Variants in SUGCT observed in about 807,000 individuals in gnomAD.
The protein encoded by SUGCT is succinyl-CoA:glutarate CoA-transferase.
SUGCT carries 41 observed loss-of-function variants against 55.0 expected under a neutral mutation model. The observed-to-expected ratio is 0.74, with a 90% CI of 0.58 to 0.97. The LOEUF (loss-of-function observed/expected upper bound fraction) is 0.97, where lower values mean the gene tolerates loss of function less well. Among genes scored for constraint, SUGCT ranks in the 50% least tolerant of loss-of-function variants. The pLI is 0.00. For synonymous variants in SUGCT, 187 were observed against 200.4 expected, an observed-to-expected ratio of 0.93 and a Z score of 0.56; for missense variants, 568 against 547.8, an observed-to-expected ratio of 1.04 and a Z score of -0.37.
At chr7:40,309,440 A>T (rs1421132012) in intron 8 of SUGCT, among the ~76,000 whole-genome samples, 1 of 151,996 alleles carries the variant, frequency 6.6e-6, no homozygotes, top group Admixed American at 6.6e-5. Context: ...GATTATAGGC[A>T]CTCACCACCA....
rs1224826122 is a variant in SUGCT, at chr7:40,272,095, C to CTA, written c.577-2402_577-2401dup. The stretch of plus-strand genomic sequence containing the variant: ...TCTCTCTCTCTCTCTCTCTCTCTCT[C>CTA]TATATATATATATATATGGATGTTT... On this transcript the variant is annotated intron_variant, in intron 7 of 13. Coordinates refer to ENST00000335693, the MANE Select transcript of SUGCT (RefSeq NM_001193313.2). Among the ~76,000 whole-genome samples, 656 of 85,396 alleles carry CTA rather than the reference C, an allele frequency of 7.7e-3. 24 individuals carry two copies. Among genetic ancestry groups the CTA allele is most frequent in the Middle Eastern group, 0.03 (5 of 168 alleles). The allele number at this position is 85,396 out of a possible 152,430, so 56.0% of individuals were successfully genotyped here.
In SUGCT at chr7:40,179,529, C is replaced by T. The variant is rs539535071; in HGVS notation, c.101-1418C>T. On this transcript the variant is annotated intron_variant, in intron 1 of 13. Transcript: ENST00000335693. Reference sequence around the variant, plus strand: ...AACTCCTGACCTCAGGTGATCTGCCCGCCTCGGCCTCCCAAAGTGCTGGGA... The same window carrying T: ...AACTCCTGACCTCAGGTGATCTGCCTGCCTCGGCCTCCCAAAGTGCTGGGA... 7.9e-5 allele frequency among the ~76,000 whole-genome samples: 12 copies of T among 152,096 alleles called. No homozygotes were observed. The South Asian group carries it at 1.9e-3, about 24-fold the overall frequency.
intron 6 of SUGCT, among the ~76,000 whole-genome samples, chr7:40,195,359 T>C (rs1786200960): frequency 1.3e-5 from 2 of 151,612 alleles, no homozygotes; most frequent in African/African-American, 4.8e-5. Flanking sequence ...GTAGCTGGGA[T>C]TACCAGGCAC....
intron 13 of SUGCT, among the ~76,000 whole-genome samples, chr7:40,830,591 C>T (rs1339465030): frequency 6.6e-6 from 1 of 152,200 alleles, no homozygotes; most frequent in Non-Finnish European, 1.5e-5. Flanking sequence ...CTTCCCTGAT[C>T]ACTCCATCTA....
intron 9 of SUGCT, among the ~76,000 whole-genome samples, chr7:40,422,052 C>T (rs1787336721): frequency 6.6e-6 from 1 of 150,656 alleles, no homozygotes; most frequent in African/African-American, 2.4e-5. Context: ...AAGTCCAGGC[C>T]TACATGTTTC....
intron 12 of SUGCT, among the ~76,000 whole-genome samples, chr7:40,521,240 TAGTG>T (rs763413556): frequency 4.6e-5 from 7 of 152,176 alleles, no homozygotes; most frequent in Non-Finnish European, 8.8e-5. Flanking sequence ...GTTCTCATGA[TAGTG>T]AGTGAGTTCT....
the SUGCT span, among the ~76,000 whole-genome samples, chr7:40,957,488 T>C: frequency 1.4e-5 from 2 of 145,552 alleles, no homozygotes; most frequent in Admixed American, 1.4e-4. Flanking sequence ...TCCATTTGCT[T>C]GGTAAATCTT....
At chr7:40,507,922 G>A (rs541871676) in intron 12 of SUGCT, among the ~76,000 whole-genome samples, 9 of 152,240 alleles carry the variant, frequency 5.9e-5, no homozygotes, top group African/African-American at 2.2e-4. Context: ...CTTGTCTGCT[G>A]TTTTGCTAGT....
intron 12 of SUGCT, among the ~76,000 whole-genome samples, chr7:40,512,611 G>C (rs181114751): frequency 6.6e-6 from 1 of 151,858 alleles, no homozygotes; most frequent in Non-Finnish European, 1.5e-5. Context: ...TTTCATATAC[G>C]AGTGAGATAG....
intron 12 of SUGCT, among the ~76,000 whole-genome samples, chr7:40,554,685 T>C (rs1048853716): frequency 1.3e-5 from 2 of 152,218 alleles, no homozygotes; most frequent in Admixed American, 1.3e-4. Flanking sequence ...CCCTTAGACT[T>C]GTGTTTGTCA....
At chr7:40,383,505 A>G (rs6974023) in intron 9 of SUGCT, among the ~76,000 whole-genome samples, 1 of 152,236 alleles carries the variant, frequency 6.6e-6, no homozygotes, top group East Asian at 1.9e-4. Flanking sequence ...TATAGAAAGG[A>G]CTGTGCTACT....
intron 8 of SUGCT, among the ~76,000 whole-genome samples, chr7:40,287,285 A>G (rs1306892202): frequency 6.6e-6 from 1 of 152,160 alleles, no homozygotes; most frequent in Non-Finnish European, 1.5e-5. Context: ...GTGAGATTAC[A>G]TCATCTGTAA....
At chr7:40,557,022 T>G (rs972777509) in intron 12 of SUGCT, among the ~76,000 whole-genome samples, 1 of 152,162 alleles carries the variant, frequency 6.6e-6, no homozygotes, top group Non-Finnish European at 1.5e-5. Flanking sequence ...TGAAGTGACC[T>G]CAAATAACCA....
intron 8 of SUGCT, among the ~76,000 whole-genome samples, chr7:40,314,559 CTTTTTTTTTTT>C (rs1292941632): frequency 9.2e-6 from 1 of 108,732 alleles, no homozygotes; most frequent in Non-Finnish European, 1.8e-5. Context: ...TCCCTTGTGT[CTTTTTTTTTTT>C]TTTTTTTTTT....
At chr7:40,283,608 A>G (rs373086578) in intron 8 of SUGCT, among the ~76,000 whole-genome samples, 2 of 152,194 alleles carry the variant, frequency 1.3e-5, no homozygotes, top group South Asian at 2.1e-4. Flanking sequence ...ATCAGGGAAA[A>G]TGCAAATTAA....
At chr7:40,593,414 A>C (rs1797834615) in intron 12 of SUGCT, among the ~76,000 whole-genome samples, 1 of 152,172 alleles carries the variant, frequency 6.6e-6, no homozygotes, top group African/African-American at 2.4e-5. Context: ...GCAACTAGAA[A>C]ATGGGCATTG....
the SUGCT span, among the ~76,000 whole-genome samples, chr7:40,992,226 A>C: frequency 6.6e-6 from 1 of 152,174 alleles, no homozygotes; most frequent in African/African-American, 2.4e-5. Context: ...TAGACCATAT[A>C]GGTTAACTTC....
intron 9 of SUGCT, among the ~76,000 whole-genome samples, chr7:40,395,489 CAAAAAAAAAAAAAAA>C (rs36068766): frequency 1.3e-4 from 6 of 46,128 alleles, no homozygotes; most frequent in East Asian, 1.0e-3. Context: ...AACTCTGTCT[CAAAAAAAAAAAAAAA>C]AAAAAAAAAA....
chr7:40,946,418 A>G, the SUGCT span, among the ~76,000 whole-genome samples: 59,104 of 151,936 alleles, frequency 0.39, 12,072 homozygotes, highest in Admixed American at 0.5. Flanking sequence ...GCCGTTCTCT[A>G]GCCACTGGGG....
Sources: gnomAD v4.1 joint callset for allele counts (sites outside exome capture counted in the v4.1 genomes callset) on GRCh38, gnomAD v4.1.1 for gene constraint, MANE v1.5 for transcripts, NCBI Gene and HGNC (gene_info 2026-07-23, HGNC 2026-07-21) for gene names.